SMAP2: variants seen among roughly 807,000 people sequenced by gnomAD.
SMAP2 encodes small ArfGAP2.
A neutral mutation model predicts 56.4 loss-of-function variants in SMAP2; 25 were observed. The observed-to-expected ratio is 0.44, with a 90% confidence interval of 0.32 to 0.62. SMAP2 has a LOEUF of 0.62. SMAP2 is among the 20% of genes least tolerant of loss of function. The pLI is 0.04. For synonymous variants in SMAP2, 157 were observed against 181.7 expected (o/e 0.86, Z 1.09); for missense variants, 388 against 545.6 (o/e 0.71, Z 2.88).
chr1:40,411,803 CTGCATGTATTGATTATAAAAT>C, intron 4 of SMAP2, among the ~76,000 whole-genome samples: 1 of 152,044 alleles, frequency 6.6e-6, no homozygotes, highest in East Asian at 1.9e-4. Flanking sequence ...AGAAAAACAG[CTGCATGTATTGATTATAAAAT>C]TATTTTAGAG....
rs72258841 is a variant in SMAP2, at chr1:40,374,596, CGTGTGTGT to C, written c.103+395_103+402del. ...ACTGCATTGCGTGCGTGCGTGCGTG[CGTGTGTGT>C]GTGTGTGTGTGTGTGTGTGTGAGAG... On this transcript the variant is annotated intron_variant, in intron 1 of 9. Coordinates refer to ENST00000372718, the MANE Select transcript of SMAP2 (RefSeq NM_022733.3). The surrounding 1 kb of genome is among the most constrained non-coding windows in gnomAD (Gnocchi z 5.9). 3.9e-5 allele frequency: 39 copies of C among 1,003,140 alleles called. No homozygotes were observed. The highest frequency in any genetic ancestry group is 5.6e-5 in the East Asian group (2 of 35,984). 62.1% of individuals were successfully genotyped at this position (1,003,140 alleles called of 1,614,324 possible).
intron 1 of SMAP2, among the ~76,000 whole-genome samples, chr1:40,395,064 C>A (rs986410034): frequency 4.6e-5 from 7 of 151,986 alleles, no homozygotes; most frequent in African/African-American, 1.7e-4. Context: ...AATTAAAGAC[C>A]CAGATCACAG....
Position 40,374,776 on chromosome 1 carries a change from A to C in SMAP2, c.103+553A>C. 6.4e-7 allele frequency: 1 copy of C among 1,550,506 alleles called. No homozygotes were observed. The highest frequency in any genetic ancestry group is 8.7e-7 in the Non-Finnish European group (1 of 1,146,942). On this transcript the variant is annotated intron_variant, in intron 1 of 9. Coordinates refer to ENST00000372718, the MANE Select transcript of SMAP2 (RefSeq NM_022733.3). The surrounding 1 kb of genome is among the most constrained non-coding windows in gnomAD (Gnocchi z 5.9). Reference sequence around the variant, plus strand: ...CATTTTGCAGCCTTGCTAAGATCTGACAAGAGTGCTTAGGTGACTTTATTC... The same window carrying C: ...CATTTTGCAGCCTTGCTAAGATCTGCCAAGAGTGCTTAGGTGACTTTATTC...
chr1:40,388,576 C>T (rs1644685058), intron 1 of SMAP2, among the ~76,000 whole-genome samples: 1 of 151,840 alleles, frequency 6.6e-6, no homozygotes, highest in Admixed American at 6.6e-5. Flanking sequence ...CTGTATCTAG[C>T]TAATCTGGTG....
At chr1:40,395,447 C>T (rs1644761327) in intron 1 of SMAP2, among the ~76,000 whole-genome samples, 2 of 152,030 alleles carry the variant, frequency 1.3e-5, no homozygotes, top group African/African-American at 4.8e-5. Context: ...TTTGGGAGGC[C>T]AAGGTGGGAA....
At chr1:40,352,192 T>C (rs1287076909) in intron 1 of SMAP2, among the ~76,000 whole-genome samples, 1 of 152,098 alleles carries the variant, frequency 6.6e-6, no homozygotes, top group Non-Finnish European at 1.5e-5. Context: ...GGTGCCAAAG[T>C]CCATCTGTGG....
intron 1 of SMAP2, among the ~76,000 whole-genome samples, chr1:40,360,795 C>A (rs1229434201): frequency 6.6e-6 from 1 of 152,196 alleles, no homozygotes; most frequent in Admixed American, 6.5e-5. Flanking sequence ...CCACAGGGAG[C>A]ATTTAGATCA....
intron 9 of SMAP2, 151 bp downstream of exon 9, chr1:40,417,247 T>TTC: frequency 3.2e-6 from 2 of 620,868 alleles, no homozygotes; most frequent in South Asian, 2.2e-5. Context: ...TTTTTTTTTT[T>TTC]CCTAGAAGGT....
intron 1 of SMAP2, 57 bp from the exon 2 acceptor site, chr1:40,406,679 G>T: frequency 6.5e-7 from 1 of 1,550,112 alleles, no homozygotes. Context: ...TAATATTGTA[G>T]TTTAGGCCTT....
rs1344210106 is a variant in SMAP2, at chr1:40,373,879, CCT to C, written c.-237_-236del. ...GGGCTGAGGGTCTCTGGCCCCGCAGCCTCTCTTGGAGGCGGGCCTGTCCCTAA... is the reference window on the plus strand; with the variant it reads ...GGGCTGAGGGTCTCTGGCCCCGCAGCCTCTTGGAGGCGGGCCTGTCCCTAA... On this transcript the variant is annotated 5_prime_UTR_variant, in exon 1 of 10. Transcript: ENST00000372718. 2 of 416,796 alleles carry C rather than the reference CCT, an allele frequency of 4.8e-6. No individual in the cohort carries two copies. Among genetic ancestry groups the C allele is most frequent in the African/African-American group, 2.1e-5 (1 of 47,156 alleles). The allele number at this position is 416,796 out of a possible 1,614,324, so 25.8% of individuals were successfully genotyped here. A position where few individuals can be genotyped will look rare whatever the true frequency, so the allele number is the denominator to read the frequency against.
chr1:40,345,982 T>TA (rs1404052973), intron 1 of SMAP2, among the ~76,000 whole-genome samples: 2 of 123,706 alleles, frequency 1.6e-5, no homozygotes, highest in Non-Finnish European at 3.2e-5. Context: ...TTTTTTTTTT[T>TA]TTTTTTTTTT....
chr1:40,396,076 C>T lies in SMAP2; in HGVS notation c.104-10660C>T, dbSNP rs61779153. Among the ~76,000 whole-genome samples, 1,346 of 152,236 alleles carry T rather than the reference C, an allele frequency of 8.8e-3. 7 individuals carry two copies. Among genetic ancestry groups the T allele is most frequent in the Non-Finnish European group, 0.015 (1,039 of 68,012 alleles). On this transcript the variant is annotated intron_variant, in intron 1 of 9. Transcript: ENST00000372718. ...GAGCTCCTGGATTAAATTGGTTCAGCGGGCTTGTATTTTGGTTGAGTATAT... is the reference window on the plus strand; with the variant it reads ...GAGCTCCTGGATTAAATTGGTTCAGTGGGCTTGTATTTTGGTTGAGTATAT...
intron 1 of SMAP2, among the ~76,000 whole-genome samples, chr1:40,384,524 T>C (rs556107666): frequency 3.3e-5 from 5 of 152,210 alleles, no homozygotes; most frequent in Non-Finnish European, 7.3e-5. Context: ...TAGAAGTGCT[T>C]TTTTTGTCAA....
chr1:40,421,603 G>C (rs1001615167), intron 9 of SMAP2, among the ~76,000 whole-genome samples: 1 of 152,164 alleles, frequency 6.6e-6, no homozygotes, highest in East Asian at 1.9e-4. Context: ...GCACTGGGGA[G>C]GGGGCTTTCC....
At chr1:40,363,141 T>A (rs919248311) in intron 2 of SMAP2, among the ~76,000 whole-genome samples, 4 of 152,188 alleles carry the variant, frequency 2.6e-5, no homozygotes, top group African/African-American at 9.7e-5. Flanking sequence ...TCAATAATAT[T>A]AAGTCATAAT....
At chr1:40,355,305 C>A (rs1379893281) in intron 1 of SMAP2, among the ~76,000 whole-genome samples, 1 of 151,988 alleles carries the variant, frequency 6.6e-6, no homozygotes, top group Admixed American at 6.6e-5. Flanking sequence ...AGTATCAGTG[C>A]CTGTTTACTA....
At chr1:40,354,837 C>T (rs1199861193) in intron 1 of SMAP2, among the ~76,000 whole-genome samples, 2 of 111,076 alleles carry the variant, frequency 1.8e-5, no homozygotes, top group Non-Finnish European at 3.3e-5. Flanking sequence ...AGTACAGTGG[C>T]GTGATCTCGG....
At chr1:40,418,308 G>A (rs927461558) in intron 9 of SMAP2, among the ~76,000 whole-genome samples, 6 of 152,008 alleles carry the variant, frequency 3.9e-5, no homozygotes, top group East Asian at 1.9e-4. Flanking sequence ...AAATATATTC[G>A]GCATTGAGGA....
At chr1:40,367,707 T>G (rs1337859658) in intron 2 of SMAP2, among the ~76,000 whole-genome samples, 2 of 142,802 alleles carry the variant, frequency 1.4e-5, no homozygotes, top group Non-Finnish European at 3.0e-5. Context: ...CAAAGCAGTG[T>G]GTAGAGGGAA....
Sources: gnomAD v4.1 joint callset for allele counts (sites outside exome capture counted in the v4.1 genomes callset) on GRCh38, gnomAD v4.1.1 for gene constraint, Gnocchi (gnomAD v3.1) non-coding constraint, MANE v1.5 for transcripts, NCBI Gene and HGNC (gene_info 2026-07-23, HGNC 2026-07-21) for gene names.